Variants in CCDC27 observed in about 807,000 individuals in gnomAD.
CCDC27 encodes coiled-coil domain-containing protein 27.
Under a neutral mutation model 80.3 loss-of-function variants are expected in CCDC27, and 80 were observed. The observed-to-expected ratio is 1.00, with a 90% CI of 0.83 to 1.20. The LOEUF is 1.20. Ranked by LOEUF, CCDC27 falls within the 50% of genes most tolerant of loss-of-function variation. The probability of loss-of-function intolerance (pLI) is 0.00; values close to 1 mark genes in which losing one functional copy is unlikely to be tolerated. For synonymous variants in CCDC27, 342 were observed against 334.3 expected, an observed-to-expected ratio of 1.02 and a Z score of -0.25; for missense variants, 815 against 809.4, an observed-to-expected ratio of 1.01 and a Z score of -0.08.
Position 3,768,255 on chromosome 1 carries a change from A to G in CCDC27, c.1743+810A>G, listed in dbSNP as rs1441455402. The stretch of plus-strand genomic sequence containing the variant: ...TGGGACCACAGGCATGTGCCACCAT[A>G]CCTGGCCAATTTTAAAAGCTTTTTG... On this transcript the variant is annotated intron_variant, in intron 10 of 11. Coordinates refer to ENST00000294600, the MANE Select transcript of CCDC27 (RefSeq NM_152492.3). The surrounding 1 kb of genome is among the most constrained non-coding windows in gnomAD (Gnocchi z 5.6). Among the ~76,000 whole-genome samples the G allele has an allele frequency of 1.3e-5, 2 of 151,710 alleles. No individual in the cohort carries two copies. The highest frequency in any genetic ancestry group is 2.4e-5 in the African/African-American group (1 of 41,260).
At chr1:3,757,064 C>T in intron 4 of CCDC27, 174 bp downstream of exon 4, 2 of 676,198 alleles carry the variant, frequency 3.0e-6, no homozygotes, top group South Asian at 4.0e-5. Context: ...AGCTCCTCAC[C>T]CCTGTCCATC....
At position 3,760,086 on chromosome 1, in the gene CCDC27, G is replaced by A. The variant is rs1238700299; in HGVS notation, c.712-1195G>A. 6.6e-6 allele frequency among the ~76,000 whole-genome samples: 1 copy of A among 152,160 alleles called. No individual in the cohort carries two copies. The highest frequency in any genetic ancestry group is 2.4e-5 in the African/African-American group (1 of 41,424). ...AACAAGTTTGCAGCTGGCATTGTGTGAACTCGGCAGCTCTAACAGGAAATC... is the reference window on the plus strand; with the variant it reads ...AACAAGTTTGCAGCTGGCATTGTGTAAACTCGGCAGCTCTAACAGGAAATC... On this transcript the variant is annotated intron_variant, in intron 4 of 11. Transcript: ENST00000294600. This position sits in a 1 kb window ranked among gnomAD's most constrained non-coding sequence, Gnocchi z 4.3.
chr1:3,767,558 G>A (rs1481031086), intron 10 of CCDC27, 113 bp downstream of exon 10: 14 of 867,040 alleles, frequency 1.6e-5, no homozygotes, highest in African/African-American at 6.8e-5. Flanking sequence ...GCTGGGGCTC[G>A]GGCTGGTTCT....
Position 3,763,977 on chromosome 1 carries a change from A to G in CCDC27, c.1452+141A>G. ...CCTGGGGTGTCCAGGCAGCTGGCCC[A>G]GGGTTGTGCGGCTGATAGCGGCCCC... On this transcript the variant is annotated intron_variant, in intron 8 of 11. Coordinates refer to ENST00000294600, the MANE Select transcript of CCDC27 (RefSeq NM_152492.3). This position sits in a 1 kb window ranked among gnomAD's most constrained non-coding sequence, Gnocchi z 7.5. The G allele has an allele frequency of 1.4e-6, 2 of 1,392,600 alleles. No individual in the cohort carries two copies. The highest frequency in any genetic ancestry group is 3.0e-5 in the South Asian group (2 of 67,224). The allele number at this position is 1,392,600 out of a possible 1,614,324, so 86.3% of individuals were successfully genotyped here.
rs1416760596 is a variant in CCDC27, at chr1:3,766,620, C to T, written c.1530+8C>T. 6.2e-7 allele frequency: 1 copy of T among 1,610,362 alleles called. No homozygotes were observed. The highest frequency in any genetic ancestry group is 1.1e-5 in the South Asian group (1 of 90,902). ...AACCAGCTCCTCCGACAGGTGACAG[C>T]CTGGGTGTCGTTAAATGATCAGCCA... On this transcript the variant is annotated splice_region_variant and intron_variant, in intron 9 of 11. Coordinates refer to ENST00000294600, the MANE Select transcript of CCDC27 (RefSeq NM_152492.3). The surrounding 1 kb of genome is among the most constrained non-coding windows in gnomAD (Gnocchi z 6.1).
At chr1:3,757,854 G>A (rs571564790) in intron 4 of CCDC27, among the ~76,000 whole-genome samples, 94 of 151,494 alleles carry the variant, frequency 6.2e-4, no homozygotes, top group African/African-American at 2.1e-3. Flanking sequence ...CCAGGGAGGC[G>A]GAGCTTGCAG....
chr1:3,767,578 A>G lies in CCDC27; in HGVS notation c.1743+133A>G, dbSNP rs897433061. On this transcript the variant is annotated intron_variant, in intron 10 of 11. Transcript: ENST00000294600. ...GGCTCGGGCTGGTTCTGCCGTGTAC[A>G]CCAGCATCCACACAGAGTTGACACT... 16 of 688,422 alleles carry G rather than the reference A, an allele frequency of 2.3e-5. No homozygotes were observed. The African/African-American group carries it at 2.9e-4, about 12-fold the overall frequency. 42.6% of individuals were successfully genotyped at this position (688,422 alleles called of 1,614,324 possible).
In CCDC27 at chr1:3,769,857, C is replaced by A. The variant is rs894079708; in HGVS notation, c.1818C>A (p.Ile606=). Residue 606 remains isoleucine (I), a synonymous_variant, in exon 11 of 12, where the codon ATC becomes ATA. Coordinates refer to ENST00000294600, the MANE Select transcript of CCDC27 (RefSeq NM_152492.3). The surrounding 1 kb of genome is among the most constrained non-coding windows in gnomAD (Gnocchi z 4.6). ...ISGTKSLANE[I]SDNDILEALQ... ...GGACCAAGTCCTTGGCCAACGAGAT[C>A]TCTGACAATGACATCCTGGAAGCCC... The A allele has an allele frequency of 1.2e-6, 2 of 1,613,860 alleles. No individual in the cohort carries two copies. Among genetic ancestry groups the A allele is most frequent in the Non-Finnish European group, 1.7e-6 (2 of 1,179,916 alleles).
In CCDC27 at chr1:3,755,535, T is replaced by C. The variant is rs138353020; in HGVS notation, c.521T>C (p.Leu174Ser). 3 of 1,613,962 alleles carry C rather than the reference T, an allele frequency of 1.9e-6. No homozygotes were observed. In the African/African-American group the frequency reaches 4.0e-5, roughly 22 times the overall value. The change falls in exon 3 of 12, where the codon TTG becomes TCG. Residue 174 changes from leucine (L) to serine (S), a missense_variant. Transcript: ENST00000294600. The stretch of plus-strand genomic sequence containing the variant: ...TGGAGAGGCACCCAGGACCTGTTCT[T>C]GGCCAGGCGGGGCTCAGACACGAAC... ...ETWRGTQDLF[L>S]ARRGSDTNVD...
In CCDC27 at chr1:3,766,608, G is replaced by T; in HGVS notation, c.1526G>T (p.Arg509Leu). Reference sequence around the variant, plus strand: ...ATTGAAAAGGACAACCAGCTCCTCCGACAGGTGACAGCCTGGGTGTCGTTA... The same window carrying T: ...ATTGAAAAGGACAACCAGCTCCTCCTACAGGTGACAGCCTGGGTGTCGTTA... ...GLIEKDNQLL[R>L]QQVSELERKL... The change falls in exon 9 of 12, where the codon CGA (arginine) becomes CTA (leucine). Residue 509 changes from arginine (R) to leucine (L), a missense_variant. Arg to Leu is a moderately radical substitution (Grantham distance 102). Transcript: ENST00000294600. This position sits in a 1 kb window ranked among gnomAD's most constrained non-coding sequence, Gnocchi z 6.1. 6.2e-7 allele frequency: 1 copy of T among 1,612,582 alleles called. No homozygotes were observed. The highest frequency in any genetic ancestry group is 8.5e-7 in the Non-Finnish European group (1 of 1,179,028).
intron 2 of CCDC27, among the ~76,000 whole-genome samples, chr1:3,754,690 C>T (rs1443004086): frequency 2.0e-5 from 3 of 152,238 alleles, no homozygotes; most frequent in East Asian, 1.9e-4. Flanking sequence ...AGGCAGCTGC[C>T]GAGCTCCATG....
chr1:3,755,577 C>G lies in CCDC27; in HGVS notation c.553+10C>G. On this transcript the variant is annotated intron_variant, in intron 3 of 11. Transcript: ENST00000294600. ...GACACGAACGTGGACGGTGAGGGAG[C>G]CCCTAGGGCCTCTGCCTGCACCTGC... The G allele has an allele frequency of 6.2e-7, 1 of 1,607,678 alleles. No individual in the cohort carries two copies. Among genetic ancestry groups the G allele is most frequent in the Non-Finnish European group, 8.5e-7 (1 of 1,174,644 alleles).
intron 6 of CCDC27, 190 bp from the exon 7 acceptor site, chr1:3,762,918 C>A: frequency 1.2e-6 from 1 of 812,170 alleles, no homozygotes; most frequent in Non-Finnish European, 1.9e-6. Flanking sequence ...AGAGGGAGGA[C>A]CCGTGACAGA....
rs1642847429 is a variant in CCDC27 at position 3,752,592 on chromosome 1, T to C, written c.111T>C (p.Leu37=). ...CCACATTCAGGCAACAAAGCTCACTTGGTCTTTGCATCCCACGCCTCATGT... is the reference window on the plus strand; with the variant it reads ...CCACATTCAGGCAACAAAGCTCACTCGGTCTTTGCATCCCACGCCTCATGT... ...FRSTFRQQSS[L]GLCIPRLMLP... is the part of the protein sequence containing the mutation. Residue 37 remains leucine, a synonymous_variant, in exon 1 of 12, where the codon CTT becomes CTC. Coordinates refer to ENST00000294600, the MANE Select transcript of CCDC27 (RefSeq NM_152492.3). 8 of 1,614,104 alleles carry C rather than the reference T, an allele frequency of 5.0e-6. No individual in the cohort carries two copies. The highest frequency in any genetic ancestry group is 6.8e-6 in the Non-Finnish European group (8 of 1,180,052).
Position 3,755,441 on chromosome 1 carries a change from C to CT in CCDC27, c.443-13dup. 6.2e-7 allele frequency: 1 copy of CT among 1,610,162 alleles called. No individual in the cohort carries two copies. Among genetic ancestry groups the CT allele is most frequent in the Non-Finnish European group, 8.5e-7 (1 of 1,176,466 alleles). On this transcript the variant is annotated splice_polypyrimidine_tract_variant and intron_variant, in intron 2 of 11. Transcript: ENST00000294600. ...GACCGCAGCAGTCACCAGATGGCAT[C>CT]TTTAACACTCTACAGGTTCACCCAC...
In CCDC27 at chr1:3,752,806, G is replaced by A. The variant is rs1364313728; in HGVS notation, c.318+7G>A. On this transcript the variant is annotated splice_region_variant and intron_variant, in intron 1 of 11. Transcript: ENST00000294600. ...CCGCTACTACAGGAAGACGGTATGG[G>A]GTCCCGGGAGGAGGGCTGCCACGAG... is the stretch of plus-strand genomic sequence containing the variant. 1 of 1,607,730 alleles carries A rather than the reference G, an allele frequency of 6.2e-7. No homozygotes were observed. The highest frequency in any genetic ancestry group is 1.7e-4 in the Middle Eastern group (1 of 6,040).
At position 3,761,265 on chromosome 1, in the gene CCDC27, T is replaced by C. The variant is rs906432181; in HGVS notation, c.712-16T>C. ...GCTGCATGGCCCACGGGGGCTGCCC[T>C]TGGTTTTCTGCCCAGGATCACTGCC... On this transcript the variant is annotated splice_polypyrimidine_tract_variant and intron_variant, in intron 4 of 11. Transcript: ENST00000294600. The surrounding 1 kb of genome is among the most constrained non-coding windows in gnomAD (Gnocchi z 5.0). 1.9e-6 allele frequency: 3 copies of C among 1,612,432 alleles called. No homozygotes were observed. Among genetic ancestry groups the C allele is most frequent in the African/African-American group, 2.7e-5 (2 of 74,936 alleles).
At position 3,769,482 on chromosome 1, in the gene CCDC27, AAT is replaced by A. The variant is rs767979799; in HGVS notation, c.1744-290_1744-289del. On this transcript the variant is annotated intron_variant, in intron 10 of 11. Coordinates refer to ENST00000294600, the MANE Select transcript of CCDC27 (RefSeq NM_152492.3). The surrounding 1 kb of genome is among the most constrained non-coding windows in gnomAD (Gnocchi z 4.6). ...TACTATTTTGGTTTGTTGGTTTAAAAATATATATATATGTGTGTGTAGGTTTT... is the reference window on the plus strand; with the variant it reads ...TACTATTTTGGTTTGTTGGTTTAAAAATATATATATGTGTGTGTAGGTTTT... Among the ~76,000 whole-genome samples, 1 of 151,974 alleles carries A rather than the reference AAT, an allele frequency of 6.6e-6. No individual in the cohort carries two copies. Among genetic ancestry groups the A allele is most frequent in the African/African-American group, 2.4e-5 (1 of 41,364 alleles).
In CCDC27 at chr1:3,768,338, C is replaced by G. The variant is rs984513727; in HGVS notation, c.1743+893C>G. Among the ~76,000 whole-genome samples the G allele has an allele frequency of 6.6e-6, 1 of 152,098 alleles. No homozygotes were observed. Among genetic ancestry groups the G allele is most frequent in the African/African-American group, 2.4e-5 (1 of 41,410 alleles). On this transcript the variant is annotated intron_variant, in intron 10 of 11. Coordinates refer to ENST00000294600, the MANE Select transcript of CCDC27 (RefSeq NM_152492.3). This position sits in a 1 kb window ranked among gnomAD's most constrained non-coding sequence, Gnocchi z 5.6. ...TCTTGAACTCCTGGGCTCCAGCAAT[C>G]TGCCTGCCTTGGCCTCCCGAAGTGT...
Sources: gnomAD v4.1 joint callset for allele counts (sites outside exome capture counted in the v4.1 genomes callset) on GRCh38, gnomAD v4.1.1 for gene constraint, Gnocchi (gnomAD v3.1) non-coding constraint, MANE v1.5 for transcripts, NCBI Gene and HGNC (gene_info 2026-07-23, HGNC 2026-07-21) for gene names.